Variants in XKR6 observed in about 807,000 individuals in gnomAD.
XKR6 encodes XK related 6, also known as XK-related protein 6.
In XKR6, 22 loss-of-function variants were observed where a neutral mutation model predicts 56.7. That is an observed-to-expected ratio of 0.39 (90% CI 0.28 to 0.55). The LOEUF (loss-of-function observed/expected upper bound fraction) is 0.55. Among genes scored for constraint, XKR6 ranks in the 20% least tolerant of loss-of-function variants. The probability of loss-of-function intolerance (pLI) is 0.66; values close to 1 mark genes in which losing one functional copy is unlikely to be tolerated. For missense variants in XKR6, 852 were observed against 889.0 expected (o/e 0.96, Z 0.53); for synonymous variants, 524 against 387.8 (o/e 1.35, Z -4.13).
intron 1 of XKR6, among the ~76,000 whole-genome samples, chr8:10,959,798 C>T (rs1366680522): frequency 6.6e-6 from 1 of 152,200 alleles, no homozygotes; most frequent in Non-Finnish European, 1.5e-5. Flanking sequence ...TGAGAACAGA[C>T]ACCACCTTGC....
At chr8:11,036,433 C>A (rs148747687) in intron 1 of XKR6, among the ~76,000 whole-genome samples, 1 of 152,126 alleles carries the variant, frequency 6.6e-6, no homozygotes, top group Admixed American at 6.5e-5. Flanking sequence ...GTTTCCAAAC[C>A]GTTGAATGTG....
At chr8:10,918,459 TCCATGCCCA>T (rs1800623840) in intron 2 of XKR6, among the ~76,000 whole-genome samples, 1 of 152,218 alleles carries the variant, frequency 6.6e-6, no homozygotes, top group Non-Finnish European at 1.5e-5. Flanking sequence ...ACAGTCCACA[TCCATGCCCA>T]GCTTGGCCAT....
intron 1 of XKR6, among the ~76,000 whole-genome samples, chr8:11,192,572 G>A (rs991123286): frequency 2.0e-5 from 3 of 151,952 alleles, no homozygotes; most frequent in Admixed American, 6.6e-5. Context: ...CTATACTCAC[G>A]CCACTGCACT....
intron 1 of XKR6, among the ~76,000 whole-genome samples, chr8:11,043,709 G>T (rs908348963): frequency 1.3e-5 from 2 of 152,340 alleles, no homozygotes; most frequent in Non-Finnish European, 2.9e-5. Flanking sequence ...GGGAACCCCA[G>T]AGAAATCTTA....
intron 1 of XKR6, among the ~76,000 whole-genome samples, chr8:11,051,266 C>T (rs1033612050): frequency 6.6e-6 from 1 of 152,116 alleles, no homozygotes; most frequent in African/African-American, 2.4e-5. Context: ...CCCCCACCTC[C>T]TGTCCTCCAG....
At chr8:11,025,624 TG>T (rs1378308522) in intron 1 of XKR6, among the ~76,000 whole-genome samples, 2 of 152,230 alleles carry the variant, frequency 1.3e-5, no homozygotes, top group Non-Finnish European at 2.9e-5. Flanking sequence ...GCCTAATTCC[TG>T]TGTTTGCATG....
intron 2 of XKR6, among the ~76,000 whole-genome samples, chr8:10,912,687 G>GTATATATA (rs780977459): frequency 7.5e-6 from 1 of 132,762 alleles, no homozygotes; most frequent in Non-Finnish European, 1.6e-5. Flanking sequence ...GAGGGTGAGT[G>GTATATATA]TATATATATA....
intron 1 of XKR6, among the ~76,000 whole-genome samples, chr8:11,014,221 C>T (rs1341714316): frequency 6.6e-6 from 1 of 152,218 alleles, no homozygotes; most frequent in Non-Finnish European, 1.5e-5. Flanking sequence ...TTCATCCTCC[C>T]TATGTAATCT....
At chr8:11,041,470 C>T (rs1258017704) in intron 1 of XKR6, among the ~76,000 whole-genome samples, 9 of 151,672 alleles carry the variant, frequency 5.9e-5, no homozygotes, top group Non-Finnish European at 8.8e-5. Flanking sequence ...GCAGGAGTAT[C>T]GCTTGAACCT....
intron 1 of XKR6, among the ~76,000 whole-genome samples, chr8:11,017,791 G>A (rs1291646169): frequency 2.0e-5 from 3 of 152,200 alleles, no homozygotes; most frequent in Non-Finnish European, 4.4e-5. Flanking sequence ...ACCAGTAGGT[G>A]CCCATAGGAA....
chr8:11,137,402 T>C (rs1463385754), intron 1 of XKR6: 4 of 350,330 alleles, frequency 1.1e-5, no homozygotes, highest in South Asian at 8.8e-5. Flanking sequence ...TCACATATTC[T>C]AGCTAGAATA....
intron 1 of XKR6, among the ~76,000 whole-genome samples, chr8:11,162,995 G>C (rs1371917076): frequency 6.6e-6 from 1 of 152,120 alleles, no homozygotes; most frequent in Non-Finnish European, 1.5e-5. Context: ...TACAGAAAAA[G>C]AAAACAGCTC....
intron 1 of XKR6, chr8:11,194,976 T>C (rs1169199477): frequency 1.8e-6 from 1 of 543,696 alleles, no homozygotes; most frequent in African/African-American, 1.9e-5. Context: ...TTACCATAAA[T>C]GTCAAGTTTT....
chr8:11,104,751 G>C (rs1798613692), intron 1 of XKR6: 2 of 152,296 alleles, frequency 1.3e-5, no homozygotes, highest in Non-Finnish European at 2.9e-5. Context: ...CTATTTTACA[G>C]GTTGAAAAGT....
chr8:10,979,769 CTCTCAGCTCTGAGTGAGGACCCTGT>C (rs1167127672), intron 1 of XKR6, among the ~76,000 whole-genome samples: 2 of 152,202 alleles, frequency 1.3e-5, no homozygotes, highest in Non-Finnish European at 2.9e-5. Flanking sequence ...TAGGGGTTTT[CTCTCAGCTCTGAGTGAGGACCCTGT>C]GCTGCGGGGA....
At chr8:10,989,937 G>C in intron 1 of XKR6, among the ~76,000 whole-genome samples, 1 of 152,178 alleles carries the variant, frequency 6.6e-6, no homozygotes, top group East Asian at 1.9e-4. Context: ...AGGATCAGAC[G>C]AAGTGTGTCA....
rs1270537506 is a variant in XKR6, at chr8:10,897,427, A to T, written c.*525T>A. ...TCCCTCTTCTGGTGCAAAAATCACC[A>T]GAGAGTTTTGCATGAGAAAACGTGA... On this transcript the variant is annotated 3_prime_UTR_variant, in exon 3 of 3. Transcript: ENST00000416569. The T allele has an allele frequency of 6.6e-6, 1 of 152,662 alleles. No individual in the cohort carries two copies. The highest frequency in any genetic ancestry group is 1.5e-5 in the Non-Finnish European group (1 of 68,064). 9.5% of individuals were successfully genotyped at this position (152,662 alleles called of 1,614,324 possible).
chr8:10,925,993 G>A (rs1157080824), intron 1 of XKR6, among the ~76,000 whole-genome samples: 3 of 152,262 alleles, frequency 2.0e-5, no homozygotes, highest in South Asian at 4.1e-4. Context: ...AACAGGAACC[G>A]TAAACTGGGT....
At chr8:11,101,926 T>G (rs1256397180) in intron 1 of XKR6, among the ~76,000 whole-genome samples, 3 of 152,100 alleles carry the variant, frequency 2.0e-5, no homozygotes, top group Non-Finnish European at 4.4e-5. Context: ...TATCTTGCAG[T>G]CTAGTTTGTT....
Sources: gnomAD v4.1 joint callset for allele counts (sites outside exome capture counted in the v4.1 genomes callset) on GRCh38, gnomAD v4.1.1 for gene constraint, MANE v1.5 for transcripts, NCBI Gene and HGNC (gene_info 2026-07-23, HGNC 2026-07-21) for gene names.